The following HSPG2 variants were observed in gnomAD, a reference collection of about 807,000 sequenced individuals.
HSPG2 encodes the protein basement membrane-specific heparan sulfate proteoglycan core protein.
HSPG2 carries 278 observed loss-of-function variants against 526.6 expected under a neutral mutation model. That is an observed-to-expected ratio of 0.53 (90% CI 0.48 to 0.58). The LOEUF (loss-of-function observed/expected upper bound fraction) is 0.58, where lower values mean the gene tolerates loss of function less well. Ranked by LOEUF, HSPG2 falls within the 20% of genes least tolerant of loss-of-function variation. The probability of loss-of-function intolerance (pLI) is 0.00; values close to 1 mark genes in which losing one functional copy is unlikely to be tolerated. For synonymous variants in HSPG2, 2,465 were observed against 2,555.4 expected, an observed-to-expected ratio of 0.96 and a Z score of 1.07; for missense variants, 5,354 against 6,099.5, an observed-to-expected ratio of 0.88 and a Z score of 4.07.
At chr1:21,896,106 C>A (rs542768218) in intron 2 of HSPG2, 69 bp downstream of exon 2, 1 of 1,609,904 alleles carries the variant, frequency 6.2e-7, no homozygotes, top group Non-Finnish European at 8.5e-7. Context: ...CCTCCTCCCC[C>A]ATGCCAGTGG....
chr1:21,843,040 G>A, intron 66 of HSPG2, 119 bp from the exon 67 acceptor site: 4 of 1,208,208 alleles, frequency 3.3e-6, no homozygotes, highest in Non-Finnish European at 4.8e-6. Flanking sequence ...CTTGAGAGTG[G>A]CTGATATAAC....
chr1:21,832,799 G>A (rs572182696), intron 80 of HSPG2, 193 bp from the exon 81 acceptor site: 26 of 602,158 alleles, frequency 4.3e-5, no homozygotes, highest in South Asian at 2.2e-4. Flanking sequence ...CTTACTGAGC[G>A]CCCCTAGAAA....
rs2097961202 is a variant in HSPG2 at position 21,824,148 on chromosome 1, C to T, written c.12872G>A (p.Gly4291Asp). ...CAGTGCTGTCACCCGGTGCCACTCG[C>T]CGTCATTGATGGGGTCCTCAGAGAC... Reference protein sequence around the residue: ...RLVSEDPINDGEWHRVTALRE... With the variant: ...RLVSEDPINDDEWHRVTALRE... The change falls in exon 95 of 97, where the codon GGC becomes GAC. Residue 4291 changes from glycine (G) to aspartate (D), a missense_variant. Transcript: ENST00000374695. This position sits in a 1 kb window ranked among gnomAD's most constrained non-coding sequence, Gnocchi z 5.9. The T allele has an allele frequency of 1.9e-6, 3 of 1,613,500 alleles. No homozygotes were observed. The highest frequency in any genetic ancestry group is 1.7e-4 in the Middle Eastern group (1 of 5,992).
Position 21,838,840 on chromosome 1 carries a change from G to A in HSPG2, c.10135C>T (p.Gln3379Ter). 6.2e-7 allele frequency: 1 copy of A among 1,612,378 alleles called. No individual in the cohort carries two copies. The highest frequency in any genetic ancestry group is 1.3e-5 in the African/African-American group (1 of 75,064). ...GGCTGCTTACCTTGGACGAGCAGCT[G>A]GGCAAAGGCCTCGGCTGAGCCCACC... ...NKVGSAEAFAQLLVQGPPGSL... is the reference protein window; with the variant it reads ...NKVGSAEAFA Residue 3379 changes from glutamine (Q) to a stop codon, truncating the protein, a stop_gained, in exon 74 of 97, where the codon CAG becomes TAG. Coordinates refer to ENST00000374695, the MANE Select transcript of HSPG2 (RefSeq NM_005529.7). LOFTEE classifies it high-confidence loss of function.
intron 50 of HSPG2, chr1:21,853,590 C>CA: frequency 5.9e-6 from 1 of 168,698 alleles, no homozygotes; most frequent in Non-Finnish European, 1.3e-5. Flanking sequence ...AAAAAAAATA[C>CA]AAAAAATTAG....
At chr1:21,857,911 C>T (rs531942971) in intron 42 of HSPG2, among the ~76,000 whole-genome samples, 1 of 152,330 alleles carries the variant, frequency 6.6e-6, no homozygotes, top group South Asian at 2.1e-4. Context: ...CCTGCCCTCA[C>T]CCCATCCCAC....
intron 1 of HSPG2, among the ~76,000 whole-genome samples, chr1:21,921,925 A>C (rs912206601): frequency 5.9e-5 from 9 of 152,138 alleles, no homozygotes; most frequent in African/African-American, 1.9e-4. Flanking sequence ...AACATTATGA[A>C]GATCCCATAA....
At position 21,859,985 on chromosome 1, in the gene HSPG2, C is replaced by T. The variant is rs1203590686; in HGVS notation, c.5032G>A (p.Val1678Met). Residue 1678 changes from valine (V) to methionine (M), a missense_variant, in exon 41 of 97, where the codon GTG becomes ATG. Transcript: ENST00000374695. This position sits in a 1 kb window ranked among gnomAD's most constrained non-coding sequence, Gnocchi z 5.3. ...CLPETNQAPL[V>M]VEVHPARSIV... is the part of the protein sequence containing the mutation. Reference sequence around the variant, plus strand: ...CTTCGAGCAGGATGGACCTCGACCACCAGTGGGGCTTGGTTTGCTGGGGGT... The same window carrying T: ...CTTCGAGCAGGATGGACCTCGACCATCAGTGGGGCTTGGTTTGCTGGGGGT... 2.5e-6 allele frequency: 4 copies of T among 1,610,666 alleles called. No individual in the cohort carries two copies. The South Asian group carries it at 4.4e-5, about 18-fold the overall frequency.
intron 1 of HSPG2, among the ~76,000 whole-genome samples, chr1:21,923,096 A>G (rs9426785): frequency 0.32 from 48,290 of 151,862 alleles, 8,337 homozygotes; most frequent in Admixed American, 0.41. Flanking sequence ...GGCAGCTTCC[A>G]TTTCTCCTAA....
At chr1:21,885,853 T>C (rs2454292) in intron 9 of HSPG2, among the ~76,000 whole-genome samples, 149,349 of 152,368 alleles carry the variant, frequency 0.98, 73,272 homozygotes, top group Middle Eastern at 1. Context: ...TCTACCAGAA[T>C]GCCTGGCACA....
Position 21,904,159 on chromosome 1 carries a change from C to T in HSPG2, c.64-7849G>A, listed in dbSNP as rs1418233449. The stretch of plus-strand genomic sequence containing the variant: ...CTGGCAACACCGTGCGAAGAGAGTG[C>T]TGAAGGGGAAGGAAGGGGGCCGGCA... On this transcript the variant is annotated intron_variant, in intron 1 of 96. Coordinates refer to ENST00000374695, the MANE Select transcript of HSPG2 (RefSeq NM_005529.7). This position sits in a 1 kb window ranked among gnomAD's most constrained non-coding sequence, Gnocchi z 4.4. 2.0e-5 allele frequency among the ~76,000 whole-genome samples: 3 copies of T among 152,098 alleles called. No individual in the cohort carries two copies. The highest frequency in any genetic ancestry group is 2.9e-5 in the Non-Finnish European group (2 of 68,020).
At position 21,823,691 on chromosome 1, in the gene HSPG2, C is replaced by G. The variant is rs771101918; in HGVS notation, c.12928G>C (p.Asp4310His). Residue 4310 changes from aspartate (D) to histidine (H), a missense_variant, in exon 96 of 97, where the codon GAC becomes CAC. Asp to His is a moderately conservative substitution (Grantham distance 81). Coordinates refer to ENST00000374695, the MANE Select transcript of HSPG2 (RefSeq NM_005529.7). ...CGGCCGCTGACCAGCTCCTCACCGTCGACTTGGATGGAACCTCTGCGGCCC... is the reference window on the plus strand; with the variant it reads ...CGGCCGCTGACCAGCTCCTCACCGTGGACTTGGATGGAACCTCTGCGGCCC... ...REGRRGSIQV[D>H]GEELVSGRSP... 1.2e-6 allele frequency: 2 copies of G among 1,613,560 alleles called. No individual in the cohort carries two copies. Among genetic ancestry groups the G allele is most frequent in the Non-Finnish European group, 1.7e-6 (2 of 1,180,014 alleles).
rs1166946795 is a variant in HSPG2 at position 21,865,820 on chromosome 1, G to A, written c.4222-11C>T. The A allele has an allele frequency of 1.2e-6, 2 of 1,609,654 alleles. No homozygotes were observed. The highest frequency in any genetic ancestry group is 2.2e-5 in the East Asian group (1 of 44,844). On this transcript the variant is annotated splice_polypyrimidine_tract_variant and intron_variant, in intron 33 of 96. Coordinates refer to ENST00000374695, the MANE Select transcript of HSPG2 (RefSeq NM_005529.7). The surrounding 1 kb of genome is among the most constrained non-coding windows in gnomAD (Gnocchi z 5.4). The stretch of plus-strand genomic sequence containing the variant: ...ACCGTAGGCCGCCACCTGCAAAGAG[G>A]CAAGCCCAGAGGTCACAGGCTGACC...
rs1202019421 is a variant in HSPG2, at chr1:21,904,349, A to G, written c.64-8039T>C. On this transcript the variant is annotated intron_variant, in intron 1 of 96. Coordinates refer to ENST00000374695, the MANE Select transcript of HSPG2 (RefSeq NM_005529.7). This position sits in a 1 kb window ranked among gnomAD's most constrained non-coding sequence, Gnocchi z 4.4. ...GGAGGGAAGGGCACACGCTGAGGCC[A>G]GGGCTGGAGAGGGCACGGCACGTTC... Among the ~76,000 whole-genome samples, 6 of 152,168 alleles carry G rather than the reference A, an allele frequency of 3.9e-5. No homozygotes were observed. The highest frequency in any genetic ancestry group is 1.5e-5 in the Non-Finnish European group (1 of 68,030).
intron 52 of HSPG2, 120 bp downstream of exon 52, chr1:21,852,580 C>A (rs767459082): frequency 7.9e-6 from 11 of 1,398,706 alleles, no homozygotes; most frequent in Non-Finnish European, 1.1e-5. Context: ...CTGGGCAGGG[C>A]CCTGCAGCCA....
intron 44 of HSPG2, 151 bp from the exon 45 acceptor site, chr1:21,856,063 C>T (rs1639317911): frequency 9.0e-7 from 1 of 1,105,152 alleles, no homozygotes; most frequent in Non-Finnish European, 1.3e-6. Context: ...GAAATGTCAA[C>T]AGGACCTTGT....
At position 21,841,170 on chromosome 1, in the gene HSPG2, C is replaced by T. The variant is rs752727443; in HGVS notation, c.9444G>A (p.Arg3148=). 7.4e-6 allele frequency: 12 copies of T among 1,613,688 alleles called. No homozygotes were observed. Among genetic ancestry groups the T allele is most frequent in the Admixed American group, 5.0e-5 (3 of 60,010 alleles). ...GEPRSSARWT[R]ISSTPAKLEQ... is the part of the protein sequence containing the mutation. ...CCAACTTGGCAGGGGTGCTGCTGAT[C>T]CGGGTCCAACGAGCAGAGGAGCGGG... The change falls in exon 71 of 97, where the codon CGG becomes CGA. Residue 3148 remains arginine (R), a synonymous_variant. Transcript: ENST00000374695.
chr1:21,882,400 TACACACAC>T (rs56357321), intron 13 of HSPG2, among the ~76,000 whole-genome samples: 17,432 of 142,658 alleles, frequency 0.12, 1,187 homozygotes, highest in African/African-American at 0.2. Context: ...CTCTTCTATG[TACACACAC>T]ACACACACAC....
At position 21,880,845 on chromosome 1, in the gene HSPG2, C is replaced by T; in HGVS notation, c.1819-10G>A. 6.3e-7 allele frequency: 1 copy of T among 1,584,254 alleles called. No homozygotes were observed. Among genetic ancestry groups the T allele is most frequent in the Non-Finnish European group, 8.6e-7 (1 of 1,166,168 alleles). On this transcript the variant is annotated splice_polypyrimidine_tract_variant and intron_variant, in intron 14 of 96. Coordinates refer to ENST00000374695, the MANE Select transcript of HSPG2 (RefSeq NM_005529.7). ...CGCCATAGGAGTCCACCTGGCACAA[C>T]AGGGTGGATCAGCACGGGCAGCTGT...
Sources: gnomAD v4.1 joint callset for allele counts (sites outside exome capture counted in the v4.1 genomes callset) on GRCh38, gnomAD v4.1.1 for gene constraint, Gnocchi (gnomAD v3.1) non-coding constraint, MANE v1.5 for transcripts, NCBI Gene and HGNC (gene_info 2026-07-23, HGNC 2026-07-21) for gene names.